NF1: variants seen among roughly 807,000 people sequenced by gnomAD.
The protein encoded by NF1 is neurofibromin 1.
In NF1, 122 loss-of-function variants were observed where a neutral mutation model predicts 325.7. The ratio of observed to expected loss-of-function variants is 0.37; its 90% CI spans 0.32 to 0.44. The LOEUF (loss-of-function observed/expected upper bound fraction) is 0.44, where lower values mean the gene tolerates loss of function less well. NF1 is among the 20% of genes least tolerant of loss of function. The probability of loss-of-function intolerance (pLI) is 1.00; values close to 1 mark genes in which losing one functional copy is unlikely to be tolerated. For missense variants in NF1, 2,140 were observed against 3,415.4 expected, an observed-to-expected ratio of 0.63 and a Z score of 9.31; for synonymous variants, 1,091 against 1,186.0, an observed-to-expected ratio of 0.92 and a Z score of 1.65.
intron 11 of NF1, among the ~76,000 whole-genome samples, chr17:31,202,973 T>A (rs2066556662): frequency 1.3e-5 from 2 of 152,200 alleles, no homozygotes; most frequent in African/African-American, 4.8e-5. Flanking sequence ...CTAAAAATAT[T>A]CAAAGAGTGG....
At chr17:31,138,910 G>A (rs1263102206) in intron 1 of NF1, among the ~76,000 whole-genome samples, 2 of 152,020 alleles carry the variant, frequency 1.3e-5, no homozygotes, top group South Asian at 4.1e-4. Flanking sequence ...ATAATTTACC[G>A]TATTTTGAAG....
intron 3 of NF1, among the ~76,000 whole-genome samples, chr17:31,162,275 G>A (rs764180152): frequency 2.6e-5 from 4 of 151,408 alleles, no homozygotes; most frequent in African/African-American, 4.9e-5. Flanking sequence ...TCAGGAGTTC[G>A]AGACCAGCCT....
intron 36 of NF1, among the ~76,000 whole-genome samples, chr17:31,286,119 G>C (rs562247141): frequency 9.9e-5 from 15 of 152,044 alleles, no homozygotes; most frequent in Non-Finnish European, 1.8e-4. Context: ...TTTTGAGATG[G>C]AGTCTTGCTC....
chr17:31,095,060 C>A lies in NF1; in HGVS notation c.-250C>A. On this transcript the variant is annotated 5_prime_UTR_variant, in exon 1 of 58. Transcript: ENST00000358273. ...CTAGTGGGGAGAGCGACCAAGAGGC[C>A]CCCTCCCCTCCCCGGGTCCCCTTCC... 1.9e-6 allele frequency: 1 copy of A among 532,890 alleles called. No individual in the cohort carries two copies. Among genetic ancestry groups the A allele is most frequent in the South Asian group, 2.5e-5 (1 of 39,350 alleles). 33.0% of individuals were successfully genotyped at this position (532,890 alleles called of 1,614,324 possible).
intron 1 of NF1, among the ~76,000 whole-genome samples, chr17:31,150,628 C>G (rs1031995740): frequency 6.6e-6 from 1 of 152,138 alleles, no homozygotes; most frequent in Non-Finnish European, 1.5e-5. Flanking sequence ...CACCACCCTC[C>G]CTCTCCTCAT....
At chr17:31,116,164 G>A (rs1028185984) in intron 1 of NF1, among the ~76,000 whole-genome samples, 11 of 152,062 alleles carry the variant, frequency 7.2e-5, no homozygotes. Context: ...GGGTTGTATG[G>A]TTGAAAACTT....
chr17:31,263,941 A>G lies in NF1; in HGVS notation c.4725-1288A>G, dbSNP rs190521044. 1.7e-3 allele frequency among the ~76,000 whole-genome samples: 256 copies of G among 152,300 alleles called. 1 individual carries two copies. Among genetic ancestry groups the G allele is most frequent in the Non-Finnish European group, 2.9e-3 (198 of 68,020 alleles). Reference sequence around the variant, plus strand: ...TAGTCTCCCAGTCATTTATCTATGCACATGTACATTTGTTTCTCCTATCAA... The same window carrying G: ...TAGTCTCCCAGTCATTTATCTATGCGCATGTACATTTGTTTCTCCTATCAA... On this transcript the variant is annotated intron_variant, in intron 35 of 57. Transcript: ENST00000358273.
chr17:31,134,409 A>G (rs936918007), intron 1 of NF1, among the ~76,000 whole-genome samples: 5 of 152,162 alleles, frequency 3.3e-5, no homozygotes, highest in Non-Finnish European at 5.9e-5. Flanking sequence ...TATGGTTTAT[A>G]TGTTACCAGT....
In NF1 at chr17:31,260,357, G is replaced by A. The variant is rs1313535131; in HGVS notation, c.4431-12G>A. ...TGGTGTTGAAAATTCTAATGACTTT[G>A]CATTTTTGAAGGTTTTTCCTTGATA... On this transcript the variant is annotated splice_polypyrimidine_tract_variant and intron_variant, in intron 33 of 57. Transcript: ENST00000358273. The A allele has an allele frequency of 6.2e-7, 1 of 1,613,160 alleles. No homozygotes were observed. Among genetic ancestry groups the A allele is most frequent in the East Asian group, 2.2e-5 (1 of 44,852 alleles).
At chr17:31,358,786 G>T in intron 55 of NF1, 164 bp downstream of exon 55, 1 of 1,107,004 alleles carries the variant, frequency 9.0e-7, no homozygotes, top group Non-Finnish European at 1.3e-6. Flanking sequence ...AATGTAACTG[G>T]TTGACAACTT....
At chr17:31,096,769 TAG>T (rs1182793405) in intron 1 of NF1, among the ~76,000 whole-genome samples, 2 of 152,176 alleles carry the variant, frequency 1.3e-5, no homozygotes, top group African/African-American at 4.8e-5. Flanking sequence ...GTAGATAAAA[TAG>T]AGTTATGAAG....
At position 31,229,651 on chromosome 17, in the gene NF1, G is replaced by C. The variant is rs185727155; in HGVS notation, c.2851-184G>C. The C allele has an allele frequency of 5.3e-6, 5 of 936,616 alleles. No individual in the cohort carries two copies. The African/African-American group carries it at 8.2e-5, about 15-fold the overall frequency. The allele number at this position is 936,616 out of a possible 1,614,324, so 58.0% of individuals were successfully genotyped here. On this transcript the variant is annotated intron_variant, in intron 21 of 57. Transcript: ENST00000358273. ...CTCTTAGGAACTCTGGTGTGTATGT[G>C]TGCCTAAGGGTATACGTGCCCTGTG...
intron 1 of NF1, among the ~76,000 whole-genome samples, chr17:31,103,488 G>A (rs1356915208): frequency 4.0e-5 from 6 of 151,510 alleles, no homozygotes; most frequent in African/African-American, 1.5e-4. Flanking sequence ...GAGGTGATCC[G>A]CCCGCTTCAG....
chr17:31,118,170 T>G (rs529899577), intron 1 of NF1, among the ~76,000 whole-genome samples: 107 of 152,290 alleles, frequency 7.0e-4, no homozygotes, highest in African/African-American at 1.6e-3. Context: ...AGAATTTTTG[T>G]GCCTAGAAAT....
chr17:31,260,323 G>T (rs17881285), intron 33 of NF1, 46 bp from the exon 34 acceptor site: 1 of 1,585,092 alleles, frequency 6.3e-7, no homozygotes, highest in Admixed American at 1.7e-5. Context: ...ACATAAGTCT[G>T]GGTGTATCTG....
chr17:31,105,547 T>C (rs968227180), intron 1 of NF1, among the ~76,000 whole-genome samples: 3 of 151,912 alleles, frequency 2.0e-5, no homozygotes, highest in African/African-American at 7.3e-5. Context: ...GGAGTTTTGC[T>C]CTTGTTGCCC....
At position 31,218,034 on chromosome 17, in the gene NF1, G is replaced by A. The variant is rs17879886; in HGVS notation, c.1528-971G>A. 1.8e-4 allele frequency among the ~76,000 whole-genome samples: 28 copies of A among 151,892 alleles called. No homozygotes were observed. In the South Asian group the frequency reaches 2.3e-3, roughly 12 times the overall value. Reference sequence around the variant, plus strand: ...ATATTTTTCCACGATGAAAAGGACCGAAGTATGGGTATCTGCCGATGCAAA... The same window carrying A: ...ATATTTTTCCACGATGAAAAGGACCAAAGTATGGGTATCTGCCGATGCAAA... On this transcript the variant is annotated intron_variant, in intron 13 of 57. Transcript: ENST00000358273.
rs1911534776 is a variant in NF1, at chr17:31,095,214, CCTCTT to C, written c.-94_-90del. 8.5e-7 allele frequency: 1 copy of C among 1,180,008 alleles called. No individual in the cohort carries two copies. Among genetic ancestry groups the C allele is most frequent in the Admixed American group, 2.0e-5 (1 of 50,498 alleles). 73.1% of individuals were successfully genotyped at this position (1,180,008 alleles called of 1,614,324 possible). On this transcript the variant is annotated 5_prime_UTR_variant, in exon 1 of 58. Transcript: ENST00000358273. ...CTGCACTCCACAGACCCTCTCCTTG[CCTCTT>C]CCCTCACCTCAGCCTCCGCTCCCCG... is the stretch of plus-strand genomic sequence containing the variant.
At position 31,259,073 on chromosome 17, in the gene NF1, A is replaced by G. The variant is rs1597745662; in HGVS notation, c.4374A>G (p.Glu1458=). 1 of 1,605,114 alleles carries G rather than the reference A, an allele frequency of 6.2e-7. No homozygotes were observed. The highest frequency in any genetic ancestry group is 8.5e-7 in the Non-Finnish European group (1 of 1,174,664). ...CCAATCATGTTCTCTTCACAAAAGA[A>G]GAACATATGCGGCCTTTCAATGATT... The part of the protein sequence containing the change: ...SIANHVLFTK[E]EHMRPFNDFV... Residue 1458 remains glutamate, a synonymous_variant, in exon 33 of 58, where the codon GAA becomes GAG. Coordinates refer to ENST00000358273, the MANE Select transcript of NF1 (RefSeq NM_001042492.3).
Sources: allele counts gnomAD v4.1 joint callset (sites outside exome capture counted in the v4.1 genomes callset), GRCh38; gene constraint gnomAD v4.1.1; transcripts MANE v1.5; gene names NCBI Gene and HGNC (gene_info 2026-07-23, HGNC 2026-07-21).